USP49: variants seen among roughly 807,000 people sequenced by gnomAD.
USP49 encodes the protein ubiquitin specific peptidase 49.
USP49 carries 24 observed loss-of-function variants against 58.6 expected under a neutral mutation model. The ratio of observed to expected loss-of-function variants is 0.41; its 90% CI spans 0.30 to 0.58. The LOEUF (loss-of-function observed/expected upper bound fraction) is 0.58, where lower values mean the gene tolerates loss of function less well. Ranked by LOEUF, USP49 falls within the 20% of genes least tolerant of loss-of-function variation. USP49 has a pLI of 0.30. For missense variants in USP49, 703 were observed against 866.1 expected (o/e 0.81, Z 2.36); for synonymous variants, 408 against 365.1 (o/e 1.12, Z -1.34).
At chr6:41,812,416 C>T (rs968704794) in intron 3 of USP49, among the ~76,000 whole-genome samples, 1 of 160 alleles carries the variant, frequency 6.3e-3, no homozygotes, top group Non-Finnish European at 0.022. Flanking sequence ...TAGTACAGGC[C>T]GGGCGCAGTG....
intron 3 of USP49, among the ~76,000 whole-genome samples, chr6:41,829,155 A>T (rs967227088): frequency 6.6e-6 from 1 of 152,176 alleles, no homozygotes; most frequent in Non-Finnish European, 1.5e-5. Context: ...TGATTTCTGT[A>T]TTAGGTTTAA....
intron 2 of USP49, among the ~76,000 whole-genome samples, chr6:41,888,683 C>T (rs2127366411): frequency 6.6e-6 from 1 of 152,138 alleles, no homozygotes; most frequent in African/African-American, 2.4e-5. Flanking sequence ...GAACTCCTGA[C>T]CTCAAGTGAT....
chr6:41,816,132 T>C (rs1211726055), intron 3 of USP49, among the ~76,000 whole-genome samples: 1 of 152,222 alleles, frequency 6.6e-6, no homozygotes, highest in East Asian at 1.9e-4. Context: ...GCTACAAATA[T>C]TCTCAAGTGT....
At chr6:41,883,685 A>C (rs1366776807) in intron 2 of USP49, among the ~76,000 whole-genome samples, 1 of 152,188 alleles carries the variant, frequency 6.6e-6, no homozygotes, top group Non-Finnish European at 1.5e-5. Flanking sequence ...TAAAAGGCCA[A>C]AATTAGAAAT....
intron 3 of USP49, among the ~76,000 whole-genome samples, chr6:41,860,723 G>A (rs1043817734): frequency 6.6e-6 from 1 of 152,058 alleles, no homozygotes; most frequent in African/African-American, 2.4e-5. Context: ...TGTTGGCCAG[G>A]ATGGTCTCAA....
chr6:41,834,018 T>C (rs564708343), intron 3 of USP49, among the ~76,000 whole-genome samples: 10 of 152,218 alleles, frequency 6.6e-5, no homozygotes, highest in African/African-American at 2.4e-4. Flanking sequence ...AGCTTTCACC[T>C]GTACACATAT....
chr6:41,802,508 C>A, intron 5 of USP49, among the ~76,000 whole-genome samples: 1 of 124,116 alleles, frequency 8.1e-6, no homozygotes, highest in South Asian at 2.5e-4. Flanking sequence ...GCATCTCGCT[C>A]TGTCACCCAG....
In USP49 at chr6:41,877,050, A is replaced by G. The variant is rs907132295; in HGVS notation, c.-102-5413T>C. 5.3e-5 allele frequency among the ~76,000 whole-genome samples: 8 copies of G among 152,242 alleles called. No individual in the cohort carries two copies. In the South Asian group the frequency reaches 1.0e-3, roughly 20 times the overall value. On this transcript the variant is annotated intron_variant, in intron 2 of 7. Transcript: ENST00000682992. ...ATCGCCCAGAGTAAATAAGAAACAT[A>G]TAACATTTCACATTTCAGTGCACCA...
intron 2 of USP49, among the ~76,000 whole-genome samples, chr6:41,878,409 G>T (rs1240771770): frequency 6.6e-6 from 1 of 152,144 alleles, no homozygotes; most frequent in Non-Finnish European, 1.5e-5. Context: ...CAAAAAATGT[G>T]ACCTGAGAGC....
intron 3 of USP49, among the ~76,000 whole-genome samples, chr6:41,831,339 G>C (rs377560876): frequency 6.6e-6 from 1 of 151,662 alleles, no homozygotes; most frequent in Non-Finnish European, 1.5e-5. Flanking sequence ...GCAGTGAGCC[G>C]AGATTGTGCC....
chr6:41,839,831 G>C, intron 3 of USP49, among the ~76,000 whole-genome samples: 1 of 151,832 alleles, frequency 6.6e-6, no homozygotes, highest in Admixed American at 6.6e-5. Flanking sequence ...GGATTTGGGG[G>C]GCTTGGGGGT....
chr6:41,885,758 T>C (rs1351041862), intron 2 of USP49, among the ~76,000 whole-genome samples: 4 of 152,058 alleles, frequency 2.6e-5, no homozygotes, highest in African/African-American at 7.2e-5. Flanking sequence ...ATCATGCTAC[T>C]GCACTCCAGC....
intron 3 of USP49, among the ~76,000 whole-genome samples, chr6:41,836,612 G>T (rs951066502): frequency 6.6e-6 from 1 of 152,208 alleles, no homozygotes; most frequent in African/African-American, 2.4e-5. Flanking sequence ...GTTATAACTA[G>T]ATCTTGGACA....
chr6:41,829,305 GATT>G (rs1176645085), intron 3 of USP49, among the ~76,000 whole-genome samples: 1 of 151,826 alleles, frequency 6.6e-6, no homozygotes, highest in East Asian at 1.9e-4. Context: ...ATAATTTGTG[GATT>G]CTCTTGAATT....
chr6:41,828,170 C>T (rs1482212619), intron 3 of USP49, among the ~76,000 whole-genome samples: 11 of 152,148 alleles, frequency 7.2e-5, no homozygotes, highest in African/African-American at 2.2e-4. Context: ...TGCGGCTGGG[C>T]GTGGTGGCTC....
chr6:41,835,827 A>T (rs1010027601), intron 3 of USP49, among the ~76,000 whole-genome samples: 50 of 152,252 alleles, frequency 3.3e-4, no homozygotes, highest in African/African-American at 1.1e-3. Context: ...TAATCCTAGC[A>T]CTTTGGGAGG....
intron 3 of USP49, among the ~76,000 whole-genome samples, chr6:41,853,999 CGAAAAAAAAA>C (rs1196600929): frequency 5.1e-5 from 3 of 58,870 alleles, no homozygotes; most frequent in African/African-American, 1.8e-4. Context: ...GACTCTGTCT[CGAAAAAAAAA>C]AAAAAAAAAA....
At chr6:41,799,280 A>AT (rs1430882199) in intron 6 of USP49, among the ~76,000 whole-genome samples, 1 of 151,754 alleles carries the variant, frequency 6.6e-6, no homozygotes, top group Non-Finnish European at 1.5e-5. Flanking sequence ...TAATTTTTGC[A>AT]TTTTTTGTAG....
At chr6:41,827,330 T>C (rs536212180) in intron 3 of USP49, among the ~76,000 whole-genome samples, 31 of 152,154 alleles carry the variant, frequency 2.0e-4, no homozygotes, top group Non-Finnish European at 4.0e-4. Context: ...TTTTCAGAGG[T>C]AGGTTACTCC....
Sources: allele counts gnomAD v4.1 joint callset (sites outside exome capture counted in the v4.1 genomes callset), GRCh38; gene constraint gnomAD v4.1.1; transcripts MANE v1.5; gene names NCBI Gene and HGNC (gene_info 2026-07-23, HGNC 2026-07-21).